The following KDM3B variants were observed in gnomAD, a reference collection of about 807,000 sequenced individuals.
KDM3B encodes the protein lysine-specific demethylase 3B.
In KDM3B, 10 loss-of-function variants were observed where a neutral mutation model predicts 170.0. The ratio of observed to expected loss-of-function variants is 0.06; its 90% CI spans 0.04 to 0.10. The LOEUF is 0.10. Among genes scored for constraint, KDM3B ranks in the 10% least tolerant of loss-of-function variants. KDM3B has a pLI of 1.00. For missense variants in KDM3B, 1,394 were observed against 2,195.2 expected (o/e 0.64, Z 7.29); for synonymous variants, 831 against 834.8 (o/e 1.00, Z 0.08).
chr5:138,403,745 C>T (rs1762747362), intron 11 of KDM3B, among the ~76,000 whole-genome samples: 1 of 150,314 alleles, frequency 6.7e-6, no homozygotes, highest in African/African-American at 2.4e-5. Flanking sequence ...GCAATCCCAG[C>T]ACTTTGGGAG....
chr5:138,377,703 T>C lies in KDM3B; in HGVS notation c.475-17T>C. 1 of 1,569,866 alleles carries C rather than the reference T, an allele frequency of 6.4e-7. No individual in the cohort carries two copies. Among genetic ancestry groups the C allele is most frequent in the Non-Finnish European group, 8.8e-7 (1 of 1,140,838 alleles). On this transcript the variant is annotated splice_polypyrimidine_tract_variant and intron_variant, in intron 3 of 23. Transcript: ENST00000314358. ...TCATTTTAACATTCAGTTGTTTTCT[T>C]CTTTTATCTTTACCAGATGGGAACA...
intron 1 of KDM3B, among the ~76,000 whole-genome samples, chr5:138,356,867 C>G (rs1761462771): frequency 6.6e-6 from 1 of 152,052 alleles, no homozygotes. Flanking sequence ...TGGTCTCGAT[C>G]TCCTGACCTC....
chr5:138,424,977 G>C (rs1203772218), intron 16 of KDM3B, among the ~76,000 whole-genome samples: 2 of 152,164 alleles, frequency 1.3e-5, no homozygotes, highest in African/African-American at 4.8e-5. Context: ...GGGGTTGGAG[G>C]TAGGTAGTAC....
At chr5:138,374,523 G>T (rs1474215230) in intron 2 of KDM3B, among the ~76,000 whole-genome samples, 1 of 152,128 alleles carries the variant, frequency 6.6e-6, no homozygotes, top group Non-Finnish European at 1.5e-5. Context: ...CTCCCAAAGT[G>T]CTGGGATTAC....
At chr5:138,389,138 A>G (rs1580905930) in intron 7 of KDM3B, among the ~76,000 whole-genome samples, 1 of 152,236 alleles carries the variant, frequency 6.6e-6, no homozygotes, top group Admixed American at 6.5e-5. Context: ...GCAGCACCTC[A>G]GGGCTGTGTC....
chr5:138,413,276 G>A (rs184919347), intron 11 of KDM3B, among the ~76,000 whole-genome samples: 52 of 151,998 alleles, frequency 3.4e-4, no homozygotes, highest in East Asian at 7.8e-4. Context: ...TCAGCTACTC[G>A]GGAGGCGGAG....
intron 1 of KDM3B, among the ~76,000 whole-genome samples, chr5:138,354,521 C>G (rs1761405810): frequency 6.6e-6 from 1 of 152,176 alleles, no homozygotes; most frequent in South Asian, 2.1e-4. Flanking sequence ...TTTTCTGGTT[C>G]TTGCAGTGGT....
chr5:138,405,227 AG>A, intron 11 of KDM3B, among the ~76,000 whole-genome samples: 2 of 151,162 alleles, frequency 1.3e-5, no homozygotes, highest in Non-Finnish European at 2.9e-5. Context: ...TACTTTTAGT[AG>A]AGATGGGGTT....
chr5:138,435,660 G>C lies in KDM3B; in HGVS notation c.5246G>C (p.Gly1749Ala), dbSNP rs1224068526. The C allele has an allele frequency of 6.2e-7, 1 of 1,613,892 alleles. No individual in the cohort carries two copies. The highest frequency in any genetic ancestry group is 2.2e-5 in the East Asian group (1 of 44,886). ...TACCATGCAGTGAAAGATGCGGTTG[G>C]CACCCTCAAGGCTCATGAATCCAAA... ...IIYHAVKDAV[G>A]TLKAHESKLA... Residue 1749 changes from glycine (G) to alanine (A), a missense_variant, in exon 24 of 24, where the codon GGC becomes GCC. By Grantham distance (60) the Gly-to-Ala change is moderately conservative. This residue lies in a region of KDM3B where 79 missense variants were observed against 270.5 expected (regional missense o/e 0.29). Transcript: ENST00000314358.
At chr5:138,407,243 C>T (rs1453456906) in intron 11 of KDM3B, among the ~76,000 whole-genome samples, 1 of 152,094 alleles carries the variant, frequency 6.6e-6, no homozygotes, top group Non-Finnish European at 1.5e-5. Context: ...GCCTCAGCCT[C>T]CCAAAGTGCT....
chr5:138,375,440 C>T (rs1180337003), intron 3 of KDM3B, among the ~76,000 whole-genome samples: 2 of 150,708 alleles, frequency 1.3e-5, no homozygotes, highest in Admixed American at 6.6e-5. Context: ...TGCAGTGGTG[C>T]GATCTCAACT....
At chr5:138,419,368 T>G in intron 14 of KDM3B, 136 bp downstream of exon 14, 1 of 1,120,860 alleles carries the variant, frequency 8.9e-7, no homozygotes, top group East Asian at 2.6e-5. Flanking sequence ...CATGAGGGAC[T>G]GCCGGGGCCT....
Position 138,420,780 on chromosome 5 carries a change from G to A in KDM3B, c.3790G>A (p.Ala1264Thr), listed in dbSNP as rs1433141781. The A allele has an allele frequency of 3.7e-6, 6 of 1,614,116 alleles. No individual in the cohort carries two copies. The highest frequency in any genetic ancestry group is 5.1e-6 in the Non-Finnish European group (6 of 1,180,018). The change falls in exon 15 of 24, where the codon GCA becomes ACA. Residue 1264 changes from alanine (A) to threonine (T), a missense_variant. Physicochemically the swap from Ala to Thr is moderately conservative, Grantham distance 58 (BLOSUM62 0). Coordinates refer to ENST00000314358, the MANE Select transcript of KDM3B (RefSeq NM_016604.4). ...PFGLDSFNST[A>T]KVSPLTPKLF... is the part of the protein sequence containing the mutation. ...TGGGCTGGACTCGTTCAACTCCACT[G>A]CAAAGGTCTCTCCGCTGACTCCAAA...
In KDM3B at chr5:138,430,204, A is replaced by C. The variant is rs755516801; in HGVS notation, c.4894-45A>C. 4 of 1,599,032 alleles carry C rather than the reference A, an allele frequency of 2.5e-6. No homozygotes were observed. The African/African-American group carries it at 5.4e-5, about 21-fold the overall frequency. On this transcript the variant is annotated intron_variant, in intron 21 of 23. Transcript: ENST00000314358. ...TGCAGCAAGTTGGATTTATGCTGTT[A>C]ATGATTTTTAATTTTCCCATCTTTG...
intron 17 of KDM3B, among the ~76,000 whole-genome samples, chr5:138,426,184 C>T (rs1020646667): frequency 6.6e-6 from 1 of 151,916 alleles, no homozygotes; most frequent in Non-Finnish European, 1.5e-5. Context: ...ATAGAATCCC[C>T]GTAAGATGGA....
chr5:138,363,292 T>G (rs1761660997), intron 1 of KDM3B, among the ~76,000 whole-genome samples: 1 of 152,190 alleles, frequency 6.6e-6, no homozygotes. Context: ...ATTACGGAAT[T>G]TCTACTCCGT....
At chr5:138,428,888 C>T (rs1368254879) in intron 20 of KDM3B, among the ~76,000 whole-genome samples, 1 of 144,520 alleles carries the variant, frequency 6.9e-6, no homozygotes, top group Non-Finnish European at 1.5e-5. Context: ...AAAAGGGATA[C>T]TTTTTTAAAA....
chr5:138,379,135 G>A (rs752925770), intron 4 of KDM3B, among the ~76,000 whole-genome samples: 9 of 152,128 alleles, frequency 5.9e-5, no homozygotes, highest in East Asian at 3.9e-4. Flanking sequence ...ATACCAGAAT[G>A]TAAATGGTCA....
At chr5:138,403,745 C>G (rs1762747362) in intron 11 of KDM3B, among the ~76,000 whole-genome samples, 1 of 150,232 alleles carries the variant, frequency 6.7e-6, no homozygotes, top group African/African-American at 2.5e-5. Context: ...GCAATCCCAG[C>G]ACTTTGGGAG....
Sources: allele counts gnomAD v4.1 joint callset (sites outside exome capture counted in the v4.1 genomes callset), GRCh38; gene constraint gnomAD v4.1.1; regional missense constraint gnomAD v4.1.1; transcripts MANE v1.5; gene names NCBI Gene and HGNC (gene_info 2026-07-23, HGNC 2026-07-21).